The following ABCA4 variants were observed in gnomAD, a reference collection of about 807,000 sequenced individuals.
ABCA4 encodes retinal-specific phospholipid-transporting ATPase ABCA4.
Under a neutral mutation model 263.7 loss-of-function variants are expected in ABCA4, and 196 were observed. That is an observed-to-expected ratio of 0.74 (90% CI 0.66 to 0.84). ABCA4 has a LOEUF of 0.84. ABCA4 is among the 40% of genes least tolerant of loss of function. The pLI, the probability that ABCA4 is intolerant of heterozygous loss-of-function variation, is 0.00. For missense variants in ABCA4, 2,792 were observed against 2,855.1 expected, an observed-to-expected ratio of 0.98 and a Z score of 0.50; for synonymous variants, 1,133 against 1,094.2, an observed-to-expected ratio of 1.04 and a Z score of -0.70.
Position 94,031,918 on chromosome 1 carries a change from C to A in ABCA4, c.3988G>T (p.Glu1330Ter), listed in dbSNP as rs1660216799. 2 of 1,614,008 alleles carry A rather than the reference C, an allele frequency of 1.2e-6. No individual in the cohort carries two copies. Among genetic ancestry groups the A allele is most frequent in the Non-Finnish European group, 8.5e-7 (1 of 1,180,022 alleles). ...TCTGGCTCTGGGGGAGGCTGGCCCT[C>A]TGGGTGAGCAGCCGGCGCCCCTGGG... ...CSPGAPAAHP[E>*]GQPPPEPECP... Residue 1330 changes from glutamate to a stop codon, truncating the protein, a stop_gained, in exon 27 of 50, where the codon GAG becomes TAG. Coordinates refer to ENST00000370225, the MANE Select transcript of ABCA4 (RefSeq NM_000350.3). LOFTEE classifies it high-confidence loss of function.
Position 94,063,225 on chromosome 1 carries a change from G to A in ABCA4, c.1647C>T (p.Ala549=), listed in dbSNP as rs149270496. 1.9e-5 allele frequency: 30 copies of A among 1,613,964 alleles called. No individual in the cohort carries two copies. Among genetic ancestry groups the A allele is most frequent in the Admixed American group, 3.3e-5 (2 of 59,992 alleles). ...LSLLEENMFW[A]GVVFPDMYPW... ...GATACATGTCAGGGAATACCACTCC[G>A]GCCCAGAACATGTTTTCCTCCAGTA... The change falls in exon 12 of 50, where the codon GCC becomes GCT. Residue 549 remains alanine (A), a synonymous_variant. Coordinates refer to ENST00000370225, the MANE Select transcript of ABCA4 (RefSeq NM_000350.3).
chr1:94,081,020 C>T (rs1397866151), intron 7 of ABCA4, among the ~76,000 whole-genome samples: 1 of 151,954 alleles, frequency 6.6e-6, no homozygotes, highest in Non-Finnish European at 1.5e-5. Context: ...GTCAGGAGAT[C>T]GAGACCATCC....
intron 30 of ABCA4, 45 bp from the exon 31 acceptor site, chr1:94,025,093 A>T: frequency 6.6e-7 from 1 of 1,523,508 alleles, no homozygotes; most frequent in Non-Finnish European, 9.1e-7. Context: ...GAACTTGAGG[A>T]CTTATAAGTA....
chr1:94,083,296 G>T, intron 7 of ABCA4, 56 bp downstream of exon 7: 1 of 1,326,126 alleles, frequency 7.5e-7, no homozygotes. Context: ...GACATAAGTG[G>T]GGTAAATGGT....
intron 14 of ABCA4, 110 bp downstream of exon 14, chr1:94,060,427 T>C (rs1661087848): frequency 2.0e-6 from 2 of 1,017,900 alleles, no homozygotes; most frequent in Admixed American, 3.7e-5. Flanking sequence ...GGAAGCTAGA[T>C]GTCACGCTCT....
intron 7 of ABCA4, 79 bp downstream of exon 7, chr1:94,083,273 A>G (rs1570410264): frequency 8.0e-7 from 1 of 1,249,740 alleles, no homozygotes; most frequent in Non-Finnish European, 1.2e-6. Context: ...TTTGAAATAC[A>G]ATTAAATTAT....
chr1:93,993,260 A>C lies in ABCA4; in HGVS notation c.6817-18T>G, dbSNP rs769173189. On this transcript the variant is annotated intron_variant, in intron 49 of 49. Coordinates refer to ENST00000370225, the MANE Select transcript of ABCA4 (RefSeq NM_000350.3). The stretch of plus-strand genomic sequence containing the variant: ...GATCAGTCCTGTGGAAGGAGATCAC[A>C]TGGACTCGCGTCATCTTGGTTTTCT... The C allele has an allele frequency of 1.2e-6, 2 of 1,613,870 alleles. No individual in the cohort carries two copies. Among genetic ancestry groups the C allele is most frequent in the East Asian group, 4.5e-5 (2 of 44,870 alleles).
chr1:94,114,927 G>C (rs1662716761), intron 1 of ABCA4, among the ~76,000 whole-genome samples: 1 of 152,204 alleles, frequency 6.6e-6, no homozygotes, highest in South Asian at 2.1e-4. Context: ...CACCCCACAT[G>C]GGGCAGAACT....
In ABCA4 at chr1:94,040,113, G is replaced by C; in HGVS notation, c.3537C>G (p.Cys1179Trp). The change falls in exon 24 of 50, where the codon TGC becomes TGG. Residue 1179 changes from cysteine to tryptophan, a missense_variant. Physicochemically the swap from Cys to Trp is radical, Grantham distance 215. Coordinates refer to ENST00000370225, the MANE Select transcript of ABCA4 (RefSeq NM_000350.3). Reference protein sequence around the residue: ...QRKGSEGTCSCSSKGFSTTCP... With the variant: ...QRKGSEGTCSWSSKGFSTTCP... ...ACGTGGTGGAGAAACCCTTAGACGAGCAGCTGCAGGTCCCCTGCAACAGAT... is the reference window on the plus strand; with the variant it reads ...ACGTGGTGGAGAAACCCTTAGACGACCAGCTGCAGGTCCCCTGCAACAGAT... The C allele has an allele frequency of 6.2e-7, 1 of 1,608,502 alleles. No individual in the cohort carries two copies. The highest frequency in any genetic ancestry group is 1.1e-5 in the South Asian group (1 of 89,700).
rs373842934 is a variant in ABCA4, at chr1:94,058,988, A to G, written c.2160+1549T>C. ...TATGGAAAGCCCTGTTTCCGTCATC[A>G]CTGGAACAATGTTCTAGTTCCCACA... On this transcript the variant is annotated intron_variant, in intron 14 of 49. Transcript: ENST00000370225. Among the ~76,000 whole-genome samples the G allele has an allele frequency of 2.6e-4, 39 of 152,324 alleles. 1 individual carries two copies. Among genetic ancestry groups the G allele is most frequent in the East Asian group, 2.5e-3 (13 of 5,188 alleles).
At chr1:94,097,457 T>A (rs564928773) in intron 6 of ABCA4, among the ~76,000 whole-genome samples, 1 of 152,272 alleles carries the variant, frequency 6.6e-6, no homozygotes, top group Admixed American at 6.5e-5. Context: ...AGTTCCTCAA[T>A]CAAGTTCTTA....
At position 93,997,981 on chromosome 1, in the gene ABCA4, G is replaced by T. The variant is rs61753045; in HGVS notation, c.6609C>A (p.Tyr2203Ter). The T allele has an allele frequency of 1.2e-6, 2 of 1,614,168 alleles. No individual in the cohort carries two copies. Among genetic ancestry groups the T allele is most frequent in the Non-Finnish European group, 1.7e-6 (2 of 1,180,036 alleles). The change falls in exon 48 of 50, where the codon TAC (tyrosine) becomes TAA (stop). Residue 2203 changes from tyrosine (Y) to a stop codon, truncating the protein, a stop_gained. Coordinates refer to ENST00000370225, the MANE Select transcript of ABCA4 (RefSeq NM_000350.3). LOFTEE classifies it high-confidence loss of function. ...AGGAGACCTGGAACTGGAGCATGTTGTAGTGCCTCTCCCTCTGCACACTGC... is the reference window on the plus strand; with the variant it reads ...AGGAGACCTGGAACTGGAGCATGTTTTAGTGCCTCTCCCTCTGCACACTGC... ...FPGSVQRERH[Y>*]NMLQFQVSSS...
intron 4 of ABCA4, among the ~76,000 whole-genome samples, chr1:94,107,156 C>G (rs753286628): frequency 2.6e-5 from 4 of 152,184 alleles, no homozygotes; most frequent in Non-Finnish European, 5.9e-5. Flanking sequence ...CTGGTAGACC[C>G]CTTGGTGACC....
intron 3 of ABCA4, 34 bp from the exon 4 acceptor site, chr1:94,108,750 G>A (rs1208647020): frequency 1.9e-6 from 3 of 1,611,428 alleles, no homozygotes; most frequent in Non-Finnish European, 8.5e-7. Flanking sequence ...TAAGGAAATA[G>A]CTGTTATTTT....
At chr1:94,105,481 A>G (rs1413289626) in intron 4 of ABCA4, among the ~76,000 whole-genome samples, 1 of 152,106 alleles carries the variant, frequency 6.6e-6, no homozygotes, top group Non-Finnish European at 1.5e-5. Flanking sequence ...CCAGGTGAAG[A>G]GGAGGCCGAT....
At chr1:94,030,909 A>G in intron 28 of ABCA4, 87 bp downstream of exon 28, 2 of 1,575,138 alleles carry the variant, frequency 1.3e-6, no homozygotes, top group Non-Finnish European at 1.7e-6. Flanking sequence ...GTCCCAGTGA[A>G]GTGGGAAGGT....
At chr1:94,030,384 C>T (rs962145046) in intron 29 of ABCA4, 44 bp downstream of exon 29, 2 of 1,588,046 alleles carry the variant, frequency 1.3e-6, no homozygotes, top group Admixed American at 1.7e-5. Flanking sequence ...TGGGTCCTCC[C>T]AGGGGAGCTA....
intron 11 of ABCA4, among the ~76,000 whole-genome samples, chr1:94,068,013 T>C (rs1429282825): frequency 6.6e-6 from 1 of 152,162 alleles, no homozygotes; most frequent in Non-Finnish European, 1.5e-5. Flanking sequence ...CCCAGCCAGG[T>C]TACCTTTTAG....
chr1:94,041,065 C>T (rs551784981), intron 23 of ABCA4, 144 bp downstream of exon 23: 7 of 867,836 alleles, frequency 8.1e-6, no homozygotes, highest in Admixed American at 4.0e-5. Context: ...ATGTGTTCAT[C>T]GAAATCTTCT....
Sources: allele counts gnomAD v4.1 joint callset (sites outside exome capture counted in the v4.1 genomes callset), GRCh38; gene constraint gnomAD v4.1.1; transcripts MANE v1.5; gene names NCBI Gene and HGNC (gene_info 2026-07-23, HGNC 2026-07-21).